The following NFIA variants were observed in gnomAD, a reference collection of about 807,000 sequenced individuals.
The protein encoded by NFIA is nuclear factor 1 A-type.
In NFIA, 8 loss-of-function variants were observed where a neutral mutation model predicts 62.8. The observed-to-expected ratio is 0.13, with a 90% CI of 0.07 to 0.23. The LOEUF is 0.23. Among genes scored for constraint, NFIA ranks in the 10% least tolerant of loss-of-function variants. The pLI is 1.00. For synonymous variants in NFIA, 235 were observed against 238.1 expected, an observed-to-expected ratio of 0.99 and a Z score of 0.12; for missense variants, 410 against 642.1, an observed-to-expected ratio of 0.64 and a Z score of 3.91.
At chr1:61,430,210 G>C (rs1667042218) in intron 10 of NFIA, among the ~76,000 whole-genome samples, 1 of 152,196 alleles carries the variant, frequency 6.6e-6, no homozygotes, top group Non-Finnish European at 1.5e-5. Flanking sequence ...GTAATTGTGT[G>C]CTGACTGCTC....
At chr1:61,442,833 G>A (rs1295618693) in intron 10 of NFIA, among the ~76,000 whole-genome samples, 1 of 152,164 alleles carries the variant, frequency 6.6e-6, no homozygotes, top group Non-Finnish European at 1.5e-5. Context: ...AGAAACTTAA[G>A]ATTGTAAGCC....
intron 2 of NFIA, among the ~76,000 whole-genome samples, chr1:61,136,089 C>A (rs1009472906): frequency 1.3e-5 from 2 of 152,194 alleles, no homozygotes; most frequent in African/African-American, 4.8e-5. Flanking sequence ...TCCATGCATT[C>A]TTTTCGGAAA....
At chr1:61,226,355 G>T (rs992458850) in intron 2 of NFIA, among the ~76,000 whole-genome samples, 13 of 152,128 alleles carry the variant, frequency 8.5e-5, no homozygotes, top group African/African-American at 2.9e-4. Context: ...TGTCAATCAA[G>T]ATTTCATAAT....
chr1:61,297,840 G>A (rs564501624), intron 3 of NFIA, among the ~76,000 whole-genome samples: 57 of 152,300 alleles, frequency 3.7e-4, no homozygotes, highest in Middle Eastern at 3.4e-3. Context: ...CGGAAAGTTA[G>A]ATTTCAACCA....
intron 2 of NFIA, among the ~76,000 whole-genome samples, chr1:61,114,102 T>C (rs930283127): frequency 6.6e-6 from 1 of 152,164 alleles, no homozygotes; most frequent in African/African-American, 2.4e-5. Flanking sequence ...CTGAGTAATA[T>C]CATAAACAAA....
intron 3 of NFIA, among the ~76,000 whole-genome samples, chr1:61,290,384 G>GC (rs1189714486): frequency 1.3e-5 from 2 of 152,068 alleles, no homozygotes; most frequent in Non-Finnish European, 2.9e-5. Context: ...AGAAATTTGT[G>GC]CCCCATTCCT....
chr1:61,157,499 C>G (rs149267458), intron 2 of NFIA, among the ~76,000 whole-genome samples: 2 of 152,238 alleles, frequency 1.3e-5, no homozygotes, highest in African/African-American at 4.8e-5. Context: ...GTCTGAGTAC[C>G]ATTGGAAACA....
intron 3 of NFIA, among the ~76,000 whole-genome samples, chr1:61,325,002 GCTC>G (rs1163095697): frequency 6.6e-6 from 1 of 152,188 alleles, no homozygotes; most frequent in African/African-American, 2.4e-5. Context: ...AAAAGGATCT[GCTC>G]CTCATTTCAA....
intron 4 of NFIA, among the ~76,000 whole-genome samples, chr1:61,347,781 T>C (rs1479867295): frequency 6.6e-6 from 1 of 152,212 alleles, no homozygotes; most frequent in East Asian, 1.9e-4. Context: ...AGACACTGTG[T>C]ATCTTTTTAT....
chr1:61,224,954 C>G (rs1294889938), intron 2 of NFIA, among the ~76,000 whole-genome samples: 1 of 152,074 alleles, frequency 6.6e-6, no homozygotes, highest in Non-Finnish European at 1.5e-5. Context: ...TCCTTTCACC[C>G]CATAATTTTG....
intron 2 of NFIA, among the ~76,000 whole-genome samples, chr1:61,223,409 G>C (rs1654136804): frequency 6.6e-6 from 1 of 151,950 alleles, no homozygotes; most frequent in African/African-American, 2.4e-5. Context: ...ATGAGTAGAA[G>C]AACCTTTCCC....
intron 2 of NFIA, among the ~76,000 whole-genome samples, chr1:61,165,084 A>C (rs1649483079): frequency 6.6e-6 from 1 of 152,182 alleles, no homozygotes; most frequent in Non-Finnish European, 1.5e-5. Context: ...ACATTGTATA[A>C]ATTTATTTCT....
chr1:61,155,503 C>T (rs1056526417), intron 2 of NFIA, among the ~76,000 whole-genome samples: 36 of 150,972 alleles, frequency 2.4e-4, no homozygotes, highest in Middle Eastern at 3.4e-3. Context: ...GAAACCCCGT[C>T]TCTACTAAAA....
intron 3 of NFIA, among the ~76,000 whole-genome samples, chr1:61,293,929 G>A (rs1217839442): frequency 2.6e-5 from 4 of 152,152 alleles, no homozygotes; most frequent in African/African-American, 7.2e-5. Flanking sequence ...GCTTAGAGTG[G>A]CACCAGTGAA....
At chr1:61,105,908 A>G (rs1438117694) in intron 2 of NFIA, among the ~76,000 whole-genome samples, 1 of 151,788 alleles carries the variant, frequency 6.6e-6, no homozygotes, top group Non-Finnish European at 1.5e-5. Flanking sequence ...GAATTCCCCA[A>G]TTCAGTTAAA....
rs1198725552 is a variant in NFIA at position 61,196,940 on chromosome 1, T to TGC, written c.560-80569_560-80568dup. Among the ~76,000 whole-genome samples, 312 of 112,256 alleles carry TGC rather than the reference T, an allele frequency of 2.8e-3. 2 individuals carry two copies. The highest frequency in any genetic ancestry group is 6.0e-3 in the Middle Eastern group (1 of 168). The allele number at this position is 112,256 out of a possible 152,430, so 73.6% of individuals were successfully genotyped here. A position where few individuals can be genotyped will look rare whatever the true frequency, so the allele number is the denominator to read the frequency against. The stretch of plus-strand genomic sequence containing the variant: ...GTGTGTGTGTGTGTGTGTGTGTGTG[T>TGC]GCGCGCGCGCGCTGTGTGTGTGTGA... On this transcript the variant is annotated intron_variant, in intron 2 of 10. Coordinates refer to ENST00000403491, the MANE Select transcript of NFIA (RefSeq NM_001134673.4).
At chr1:61,122,729 C>T (rs2100473353) in intron 2 of NFIA, among the ~76,000 whole-genome samples, 1 of 150,852 alleles carries the variant, frequency 6.6e-6, no homozygotes, top group South Asian at 2.1e-4. Context: ...CTCTGCATTT[C>T]TGTCTGTTCC....
intron 2 of NFIA, among the ~76,000 whole-genome samples, chr1:61,096,547 CTTTTTTTTTTTTT>C (rs369305204): frequency 2.2e-4 from 18 of 80,606 alleles, no homozygotes; most frequent in Admixed American, 1.6e-3. Context: ...AAGATTAGTT[CTTTTTTTTTTTTT>C]TTTTTTTTTT....
intron 6 of NFIA, among the ~76,000 whole-genome samples, chr1:61,365,156 C>A (rs1032424335): frequency 6.6e-6 from 1 of 152,178 alleles, no homozygotes; most frequent in African/African-American, 2.4e-5. Flanking sequence ...CATTGCACTC[C>A]AGCCTGAGCA....
Sources: allele counts gnomAD v4.1 joint callset (sites outside exome capture counted in the v4.1 genomes callset), GRCh38; gene constraint gnomAD v4.1.1; transcripts MANE v1.5; gene names NCBI Gene and HGNC (gene_info 2026-07-23, HGNC 2026-07-21).